The following RNLS variants were observed in gnomAD, a reference collection of about 807,000 sequenced individuals.
RNLS encodes renalase, FAD dependent amine oxidase.
Under a neutral mutation model 39.8 loss-of-function variants are expected in RNLS, and 39 were observed. That is an observed-to-expected ratio of 0.98 (90% CI 0.76 to 1.28). RNLS has a LOEUF of 1.28. Among genes scored for constraint, RNLS ranks in the 50% most tolerant of loss-of-function variants. The pLI is 0.00. For missense variants in RNLS, 410 were observed against 413.3 expected (o/e 0.99, Z 0.07); for synonymous variants, 147 against 150.7 (o/e 0.98, Z 0.18).
In RNLS at chr10:88,314,487, G is replaced by T; in HGVS notation, c.855C>A (p.Cys285Ter). Reference sequence around the variant, plus strand: ...TTACCTGTGAATGTCTCCATTTTTGGCATTTGGTAGCAATTGGCTGAGGCA... The same window carrying T: ...TTACCTGTGAATGTCTCCATTTTTGTCATTTGGTAGCAATTGGCTGAGGCA... The part of the protein sequence containing the change: ...PGLPQPIATK[C>*]QKWRHSQVTN... The change falls in exon 6 of 7, where the codon TGC becomes TGA. Residue 285 changes from cysteine (C) to a stop codon, truncating the protein, a stop_gained. Transcript: ENST00000331772. LOFTEE classifies it high-confidence loss of function. 6.2e-7 allele frequency: 1 copy of T among 1,613,306 alleles called. No individual in the cohort carries two copies. The highest frequency in any genetic ancestry group is 8.5e-7 in the Non-Finnish European group (1 of 1,179,634).
At chr10:88,241,601 A>G in the RNLS span, among the ~76,000 whole-genome samples, 35 of 152,126 alleles carry the variant, frequency 2.3e-4, no homozygotes, top group Admixed American at 2.3e-3. Flanking sequence ...CATTTTGTTG[A>G]TCAGATGATC....
intron 4 of RNLS, among the ~76,000 whole-genome samples, chr10:88,391,415 G>A (rs1026581233): frequency 3.9e-5 from 6 of 152,018 alleles, no homozygotes; most frequent in Non-Finnish European, 8.8e-5. Context: ...AAAATTAGCC[G>A]GGCATGGTGG....
exon 7 of RNLS, chr10:88,274,103 GGGGCCTCA>G (rs1468065638): frequency 6.6e-6 from 1 of 152,164 alleles, no homozygotes; most frequent in Non-Finnish European, 1.5e-5. Flanking sequence ...GCTAGAGAGA[GGGGCCTCA>G]CACTTCTTGT....
At chr10:88,407,560 A>C (rs553628456) in intron 4 of RNLS, among the ~76,000 whole-genome samples, 19 of 152,196 alleles carry the variant, frequency 1.2e-4, no homozygotes, top group African/African-American at 3.4e-4. Flanking sequence ...AAGGCAGAGA[A>C]AATAGCAGAA....
chr10:88,507,901 G>A (rs576331723), intron 4 of RNLS, among the ~76,000 whole-genome samples: 6 of 152,228 alleles, frequency 3.9e-5, no homozygotes, highest in Admixed American at 1.3e-4. Flanking sequence ...CTCTACAATT[G>A]ATAACAGTGG....
chr10:88,349,419 C>T (rs547909600), intron 5 of RNLS, among the ~76,000 whole-genome samples: 3 of 152,054 alleles, frequency 2.0e-5, no homozygotes, highest in African/African-American at 4.8e-5. Flanking sequence ...CAAATGTTCT[C>T]CTTACAAAAT....
At chr10:88,181,145 G>A in the RNLS span, among the ~76,000 whole-genome samples, 1 of 152,154 alleles carries the variant, frequency 6.6e-6, no homozygotes, top group Non-Finnish European at 1.5e-5. Context: ...TAATCACATG[G>A]CATTTCATAA....
At chr10:88,399,163 A>G (rs1156955494) in intron 4 of RNLS, among the ~76,000 whole-genome samples, 3 of 152,020 alleles carry the variant, frequency 2.0e-5, no homozygotes, top group African/African-American at 7.2e-5. Flanking sequence ...GTGTCATTGG[A>G]ACCCTCATAC....
chr10:88,230,484 C>T, the RNLS span, among the ~76,000 whole-genome samples: 132,468 of 152,090 alleles, frequency 0.87, 57,800 homozygotes, highest in African/African-American at 0.92. Flanking sequence ...TGCTGAGACC[C>T]GTCTTTCTGT....
intron 6 of RNLS, among the ~76,000 whole-genome samples, chr10:88,309,865 T>C (rs1845225616): frequency 6.6e-6 from 1 of 152,156 alleles, no homozygotes; most frequent in South Asian, 2.1e-4. Flanking sequence ...ATGATACATT[T>C]TGGAAATTCT....
chr10:88,557,463 C>T (rs770985632), intron 4 of RNLS, among the ~76,000 whole-genome samples: 150 of 152,064 alleles, frequency 9.9e-4, no homozygotes, highest in Non-Finnish European at 3.5e-4. Flanking sequence ...AGAAGAATGA[C>T]GGTCAGAAAT....
At chr10:88,445,192 G>C (rs1014774182) in intron 4 of RNLS, among the ~76,000 whole-genome samples, 5 of 152,102 alleles carry the variant, frequency 3.3e-5, no homozygotes, top group African/African-American at 1.2e-4. Flanking sequence ...GAATTTTCAA[G>C]CCAGAATTTC....
intron 4 of RNLS, among the ~76,000 whole-genome samples, chr10:88,483,684 C>A (rs1339445105): frequency 6.6e-6 from 1 of 151,902 alleles, no homozygotes; most frequent in Non-Finnish European, 1.5e-5. Context: ...TTTTTCTTGA[C>A]AATTTCTGGT....
At chr10:88,368,001 A>G (rs1850256554) in intron 4 of RNLS, among the ~76,000 whole-genome samples, 2 of 152,004 alleles carry the variant, frequency 1.3e-5, no homozygotes, top group Admixed American at 1.3e-4. Context: ...ATTTTAATAT[A>G]GCCTAACTTA....
chr10:88,205,117 G>C, the RNLS span, among the ~76,000 whole-genome samples: 151 of 152,202 alleles, frequency 9.9e-4, 1 homozygote, highest in African/African-American at 3.6e-3. Context: ...CAGTTTCAGA[G>C]GTCAGAACAC....
chr10:88,237,668 C>A, the RNLS span, among the ~76,000 whole-genome samples: 1 of 152,136 alleles, frequency 6.6e-6, no homozygotes, highest in Non-Finnish European at 1.5e-5. Flanking sequence ...GAGAATGATG[C>A]TTTTTGTGTA....
At chr10:88,440,631 C>T (rs758631721) in intron 4 of RNLS, among the ~76,000 whole-genome samples, 4 of 152,312 alleles carry the variant, frequency 2.6e-5, no homozygotes, top group African/African-American at 9.6e-5. Context: ...TCAGGTTTGC[C>T]TGCTGGTGAT....
At chr10:88,274,937 C>A in exon 7 of RNLS, 1 of 1,587,300 alleles carries the variant, frequency 6.3e-7, no homozygotes, top group South Asian at 1.1e-5. Context: ...TAAAACCTGA[C>A]TGTGTGCTCC....
At chr10:88,204,694 A>G in the RNLS span, among the ~76,000 whole-genome samples, 4 of 152,144 alleles carry the variant, frequency 2.6e-5, no homozygotes, top group Non-Finnish European at 5.9e-5. Flanking sequence ...AACTTGCCCA[A>G]AGTCACCCAG....
Sources: allele counts gnomAD v4.1 joint callset (sites outside exome capture counted in the v4.1 genomes callset), GRCh38; gene constraint gnomAD v4.1.1; transcripts MANE v1.5; gene names NCBI Gene and HGNC (gene_info 2026-07-23, HGNC 2026-07-21).